Variants in RBFOX1 observed in about 807,000 individuals in gnomAD.
RBFOX1 encodes RNA binding protein fox-1 homolog 1.
In RBFOX1, 8 loss-of-function variants were observed where a neutral mutation model predicts 57.7. That is an observed-to-expected ratio of 0.14 (90% CI 0.08 to 0.25). The LOEUF is 0.25. RBFOX1 is among the 10% of genes least tolerant of loss of function. The pLI, the probability that RBFOX1 is intolerant of heterozygous loss-of-function variation, is 1.00. For synonymous variants in RBFOX1, 326 were observed against 222.4 expected (o/e 1.47, Z -4.15); for missense variants, 611 against 548.5 (o/e 1.11, Z -1.14).
chr16:7,574,306 T>C (rs2093092476), intron 5 of RBFOX1, among the ~76,000 whole-genome samples: 1 of 152,088 alleles, frequency 6.6e-6, no homozygotes, highest in African/African-American at 2.4e-5. Flanking sequence ...TGTATCAGGG[T>C]TCTCTAGAGG....
chr16:5,312,131 T>C (rs1027902874), intron 1 of RBFOX1, among the ~76,000 whole-genome samples: 1 of 152,184 alleles, frequency 6.6e-6, no homozygotes, highest in South Asian at 2.1e-4. Context: ...AATAGCCAGG[T>C]AGACTTTACT....
chr16:5,330,357 T>A (rs565555048), intron 1 of RBFOX1, among the ~76,000 whole-genome samples: 6 of 152,286 alleles, frequency 3.9e-5, no homozygotes, highest in Admixed American at 3.3e-4. Context: ...AATTGGTTTA[T>A]CCCCTCTTGC....
At chr16:6,774,640 T>C (rs1220924331) in intron 3 of RBFOX1, among the ~76,000 whole-genome samples, 1 of 152,190 alleles carries the variant, frequency 6.6e-6, no homozygotes, top group Non-Finnish European at 1.5e-5. Flanking sequence ...GTATGAGCTA[T>C]ATATGTCAGG....
intron 1 of RBFOX1, among the ~76,000 whole-genome samples, chr16:5,255,864 C>A (rs1015132353): frequency 2.0e-5 from 3 of 151,954 alleles, no homozygotes; most frequent in African/African-American, 7.2e-5. Flanking sequence ...TGAGCTGCCT[C>A]CTAGCTAGCT....
chr16:6,075,238 A>G (rs1018368240), intron 1 of RBFOX1, among the ~76,000 whole-genome samples: 1 of 152,252 alleles, frequency 6.6e-6, no homozygotes, highest in Non-Finnish European at 1.5e-5. Context: ...CAATGCCATT[A>G]CCGATGCATA....
chr16:5,607,236 A>C (rs2047616537), intron 3 of RBFOX1, among the ~76,000 whole-genome samples: 1 of 152,202 alleles, frequency 6.6e-6, no homozygotes, highest in Non-Finnish European at 1.5e-5. Context: ...TAACGGCATT[A>C]GGAGCAGGAG....
chr16:6,410,771 C>A (rs1416416656), intron 2 of RBFOX1, among the ~76,000 whole-genome samples: 1 of 152,190 alleles, frequency 6.6e-6, no homozygotes, highest in South Asian at 2.1e-4. Context: ...CCATGAGAAT[C>A]AGTGGAACAT....
At chr16:6,840,937 T>C (rs567205228) in intron 3 of RBFOX1, among the ~76,000 whole-genome samples, 58 of 151,258 alleles carry the variant, frequency 3.8e-4, no homozygotes, top group African/African-American at 1.3e-3. Context: ...CTCACCGCTT[T>C]AATCATGTGA....
chr16:7,131,888 G>T (rs1435489938), intron 4 of RBFOX1, among the ~76,000 whole-genome samples: 3 of 152,058 alleles, frequency 2.0e-5, no homozygotes, highest in African/African-American at 7.2e-5. Flanking sequence ...GCTTCTAGGG[G>T]GTGAGAGGCT....
At chr16:6,735,935 C>G (rs1178195720) in intron 3 of RBFOX1, among the ~76,000 whole-genome samples, 2 of 125,364 alleles carry the variant, frequency 1.6e-5, no homozygotes, top group African/African-American at 5.6e-5. Flanking sequence ...TTTTTTTTTG[C>G]CTTTTGCTTT....
At position 5,863,589 on chromosome 16, in the gene RBFOX1, G is replaced by A. The variant is rs1051268883; in HGVS notation, c.319-3714G>A. On this transcript the variant is annotated intron_variant, in intron 3 of 19. Coordinates refer to the RBFOX1 transcript ENST00000641259. ...CATGAATACTACCTGCCTTAGAAGG[G>A]AGTCTCTGAATCTAATATAATTTTG... 5.9e-5 allele frequency among the ~76,000 whole-genome samples: 9 copies of A among 152,320 alleles called. No individual in the cohort carries two copies. The South Asian group carries it at 1.2e-3, about 21-fold the overall frequency.
At chr16:6,036,416 T>G (rs1423451834) in intron 1 of RBFOX1, among the ~76,000 whole-genome samples, 1 of 152,102 alleles carries the variant, frequency 6.6e-6, no homozygotes, top group Non-Finnish European at 1.5e-5. Context: ...TGCCATTGCT[T>G]TTTTGGGGAG....
chr16:6,066,492 A>C (rs1487740653), intron 1 of RBFOX1, among the ~76,000 whole-genome samples: 6 of 152,066 alleles, frequency 3.9e-5, no homozygotes, highest in Non-Finnish European at 8.8e-5. Context: ...GAGAAATGGG[A>C]ATACATGCAG....
chr16:5,643,555 G>A (rs1245056455), intron 3 of RBFOX1, among the ~76,000 whole-genome samples: 1 of 152,142 alleles, frequency 6.6e-6, no homozygotes, highest in Non-Finnish European at 1.5e-5. Flanking sequence ...GATTAGGGTG[G>A]TGAATGCTTC....
intron 1 of RBFOX1, among the ~76,000 whole-genome samples, chr16:6,172,478 A>G (rs988382218): frequency 1.3e-5 from 2 of 152,148 alleles, no homozygotes; most frequent in African/African-American, 4.8e-5. Flanking sequence ...CTGTCAACCA[A>G]AAATTGCCCC....
At chr16:5,325,813 T>G (rs755750506) in intron 1 of RBFOX1, among the ~76,000 whole-genome samples, 8 of 152,248 alleles carry the variant, frequency 5.3e-5, no homozygotes, top group Non-Finnish European at 1.0e-4. Context: ...GCAGTTTGTT[T>G]ATCCATTCAC....
intron 7 of RBFOX1, among the ~76,000 whole-genome samples, chr16:7,590,742 C>T (rs931979693): frequency 2.6e-5 from 4 of 151,612 alleles, no homozygotes; most frequent in African/African-American, 9.7e-5. Context: ...GCCTGTAATC[C>T]CAGCTACTCG....
intron 12 of RBFOX1, among the ~76,000 whole-genome samples, chr16:7,657,555 T>A (rs1448573270): frequency 1.3e-5 from 2 of 152,246 alleles, no homozygotes; most frequent in African/African-American, 4.8e-5. Context: ...TCCGCCCATC[T>A]GGGCCTCCCA....
At chr16:6,686,961 T>G (rs1191927251) in intron 3 of RBFOX1, among the ~76,000 whole-genome samples, 1 of 152,212 alleles carries the variant, frequency 6.6e-6, no homozygotes, top group Non-Finnish European at 1.5e-5. Flanking sequence ...AATGATATGA[T>G]GTGAAAATAC....
Sources: allele counts gnomAD v4.1 joint callset (sites outside exome capture counted in the v4.1 genomes callset), GRCh38; gene constraint gnomAD v4.1.1; transcripts MANE v1.5; gene names NCBI Gene and HGNC (gene_info 2026-07-23, HGNC 2026-07-21).